PREX2: variants seen among roughly 807,000 people sequenced by gnomAD.
PREX2 encodes the protein phosphatidylinositol 3,4,5-trisphosphate-dependent Rac exchanger 2 protein.
PREX2 carries 107 observed loss-of-function variants against 203.2 expected under a neutral mutation model. That is an observed-to-expected ratio of 0.53 (90% CI 0.45 to 0.62). The LOEUF is 0.62. Ranked by LOEUF, PREX2 falls within the 20% of genes least tolerant of loss-of-function variation. PREX2 has a pLI of 0.00. For missense variants in PREX2, 1,777 were observed against 1,955.9 expected, an observed-to-expected ratio of 0.91 and a Z score of 1.72; for synonymous variants, 672 against 663.6, an observed-to-expected ratio of 1.01 and a Z score of -0.19.
Position 68,080,579 on chromosome 8 carries a change from A to G in PREX2, c.1779A>G (p.Ser593=), listed in dbSNP as rs751509441. ...LKVVENVIAK[S]LLIKSNEGSY... is the part of the protein sequence containing the mutation. The stretch of plus-strand genomic sequence containing the variant: ...TTGTGGAAAATGTTATAGCTAAGTC[A>G]TTATTGGTAAGTTTATTGATATGTT... Residue 593 remains serine, a synonymous_variant, in exon 16 of 40, where the codon TCA becomes TCG. Transcript: ENST00000288368. 3.1e-6 allele frequency: 5 copies of G among 1,599,538 alleles called. No homozygotes were observed. Among genetic ancestry groups the G allele is most frequent in the East Asian group, 4.5e-5 (2 of 44,728 alleles).
intron 32 of PREX2, among the ~76,000 whole-genome samples, chr8:68,134,570 A>C (rs1411465280): frequency 6.6e-6 from 1 of 152,136 alleles, no homozygotes; most frequent in Non-Finnish European, 1.5e-5. Context: ...AGGTCATCAG[A>C]AGAAAAAGGG....
At chr8:68,226,833 C>A (rs1813065242) in intron 39 of PREX2, among the ~76,000 whole-genome samples, 1 of 152,182 alleles carries the variant, frequency 6.6e-6, no homozygotes, top group South Asian at 2.1e-4. Context: ...GGACATAATG[C>A]AGCCTAAGGA....
intron 21 of PREX2, among the ~76,000 whole-genome samples, chr8:68,095,601 ATATC>A (rs1810043710): frequency 1.3e-5 from 2 of 148,380 alleles, no homozygotes; most frequent in Admixed American, 1.3e-4. Flanking sequence ...GTGTATATAT[ATATC>A]TTTCTTTCTT....
chr8:68,177,508 C>T (rs559587299), intron 35 of PREX2, among the ~76,000 whole-genome samples: 4 of 152,258 alleles, frequency 2.6e-5, no homozygotes, highest in East Asian at 3.9e-4. Flanking sequence ...GAGGTTATAG[C>T]GAGCTATGAT....
chr8:67,961,262 G>A (rs1805625779), intron 1 of PREX2, among the ~76,000 whole-genome samples: 1 of 151,534 alleles, frequency 6.6e-6, no homozygotes, highest in South Asian at 2.1e-4. Flanking sequence ...GTTTTAGTTT[G>A]CATTATTTCT....
At chr8:68,060,057 A>G (rs1206500890) in intron 10 of PREX2, among the ~76,000 whole-genome samples, 2 of 152,220 alleles carry the variant, frequency 1.3e-5, no homozygotes, top group Non-Finnish European at 2.9e-5. Context: ...TTTTAATTAC[A>G]TATGCAAAAC....
At chr8:68,004,592 C>T (rs1414732075) in intron 1 of PREX2, among the ~76,000 whole-genome samples, 1 of 152,220 alleles carries the variant, frequency 6.6e-6, no homozygotes, top group East Asian at 1.9e-4. Context: ...ACGAAACATT[C>T]TCCTTACTTT....
intron 23 of PREX2, among the ~76,000 whole-genome samples, chr8:68,100,592 A>G (rs985876475): frequency 5.3e-5 from 8 of 152,206 alleles, no homozygotes; most frequent in Non-Finnish European, 1.2e-4. Flanking sequence ...GGGAGAAGGA[A>G]CAGCTGGTAC....
intron 39 of PREX2, among the ~76,000 whole-genome samples, chr8:68,229,886 G>A (rs1467237490): frequency 1.3e-5 from 2 of 152,236 alleles, no homozygotes; most frequent in African/African-American, 4.8e-5. Flanking sequence ...CCCTGGGAAT[G>A]CAATTTGAAG....
At chr8:68,192,627 C>A in intron 37 of PREX2, 102 bp downstream of exon 37, 1 of 840,908 alleles carries the variant, frequency 1.2e-6, no homozygotes, top group Non-Finnish European at 1.8e-6. Flanking sequence ...TGGAAACATT[C>A]AAAGACTCAG....
At chr8:68,213,389 A>G (rs1488639322) in intron 37 of PREX2, among the ~76,000 whole-genome samples, 1 of 152,230 alleles carries the variant, frequency 6.6e-6, no homozygotes, top group Non-Finnish European at 1.5e-5. Flanking sequence ...GGATTCGTAC[A>G]AGTAAGGGGC....
At chr8:68,086,157 G>A (rs1809683573) in intron 18 of PREX2, among the ~76,000 whole-genome samples, 1 of 152,136 alleles carries the variant, frequency 6.6e-6, no homozygotes, top group African/African-American at 2.4e-5. Context: ...CATTAATTCT[G>A]TGACCTCTAT....
intron 6 of PREX2, among the ~76,000 whole-genome samples, chr8:68,035,812 A>C (rs1808009841): frequency 6.6e-6 from 1 of 152,144 alleles, no homozygotes; most frequent in Non-Finnish European, 1.5e-5. Context: ...GCCTGCTTTA[A>C]GTGTTAAAGG....
intron 31 of PREX2, among the ~76,000 whole-genome samples, chr8:68,133,856 C>A (rs1005143178): frequency 1.3e-5 from 2 of 152,116 alleles, no homozygotes; most frequent in Non-Finnish European, 2.9e-5. Flanking sequence ...TTTAATATTT[C>A]TAACGTTTTT....
intron 11 of PREX2, among the ~76,000 whole-genome samples, chr8:68,061,311 A>G (rs1026351278): frequency 7.9e-5 from 12 of 152,232 alleles, no homozygotes; most frequent in African/African-American, 2.7e-4. Flanking sequence ...CCTGGATTCC[A>G]GAACATATGA....
intron 34 of PREX2, among the ~76,000 whole-genome samples, chr8:68,153,094 A>T (rs956104146): frequency 6.6e-6 from 1 of 152,228 alleles, no homozygotes; most frequent in Non-Finnish European, 1.5e-5. Flanking sequence ...TCACACGGCC[A>T]TTCTCACATG....
chr8:67,962,721 C>T (rs1459699923), intron 1 of PREX2, among the ~76,000 whole-genome samples: 2 of 151,770 alleles, frequency 1.3e-5, no homozygotes, highest in African/African-American at 4.8e-5. Context: ...ATTCTCATGC[C>T]TCTGTCTCCC....
intron 33 of PREX2, among the ~76,000 whole-genome samples, chr8:68,138,772 A>G (rs1811163025): frequency 6.6e-6 from 1 of 152,290 alleles, no homozygotes; most frequent in Non-Finnish European, 1.5e-5. Flanking sequence ...CTATTTCCAC[A>G]TTCCCATAAA....
intron 8 of PREX2, among the ~76,000 whole-genome samples, chr8:68,049,331 A>G (rs1176077723): frequency 1.3e-5 from 2 of 151,998 alleles, no homozygotes; most frequent in Non-Finnish European, 2.9e-5. Context: ...TACATTATTT[A>G]GACATCAGTT....
Sources: gnomAD v4.1 joint callset for allele counts (sites outside exome capture counted in the v4.1 genomes callset) on GRCh38, gnomAD v4.1.1 for gene constraint, MANE v1.5 for transcripts, NCBI Gene and HGNC (gene_info 2026-07-23, HGNC 2026-07-21) for gene names.